Variants in FILIP1L observed in about 807,000 individuals in gnomAD.
FILIP1L encodes filamin A-interacting protein 1-like.
Under a neutral mutation model 96.6 loss-of-function variants are expected in FILIP1L, and 55 were observed. The observed-to-expected ratio is 0.57, with a 90% CI of 0.46 to 0.71. The LOEUF (loss-of-function observed/expected upper bound fraction) is 0.71. FILIP1L is among the 30% of genes least tolerant of loss of function. The pLI, the probability that FILIP1L is intolerant of heterozygous loss-of-function variation, is 0.00. For synonymous variants in FILIP1L, 467 were observed against 473.9 expected (o/e 0.99, Z 0.19); for missense variants, 1,304 against 1,321.2 (o/e 0.99, Z 0.20).
intron 1 of FILIP1L, among the ~76,000 whole-genome samples, chr3:100,085,061 T>G (rs1458822220): frequency 6.6e-6 from 1 of 152,160 alleles, no homozygotes; most frequent in African/African-American, 2.4e-5. Flanking sequence ...CTCTGCTGAA[T>G]CTCCTAAACT....
At chr3:99,948,753 AAAAG>A (rs755234755) in intron 1 of FILIP1L, among the ~76,000 whole-genome samples, 96 of 151,080 alleles carry the variant, frequency 6.4e-4, no homozygotes, top group Non-Finnish European at 1.1e-3. Context: ...AAAAAAGAGG[AAAAG>A]GAAGGAAGGA....
At chr3:100,056,089 A>G (rs1465774240) in intron 1 of FILIP1L, among the ~76,000 whole-genome samples, 2 of 152,210 alleles carry the variant, frequency 1.3e-5, no homozygotes, top group Non-Finnish European at 2.9e-5. Context: ...AAGCTATGGT[A>G]TACCAAGGTC....
At chr3:99,941,059 T>G (rs1383822215) in intron 1 of FILIP1L, among the ~76,000 whole-genome samples, 2 of 152,262 alleles carry the variant, frequency 1.3e-5, no homozygotes, top group African/African-American at 4.8e-5. Context: ...AATAACTTCT[T>G]GCCTCTGAAG....
At position 99,946,505 on chromosome 3, in the gene FILIP1L, A is replaced by G. The variant is rs142263672; in HGVS notation, c.-10-15475T>C. Among the ~76,000 whole-genome samples the G allele has an allele frequency of 7.3e-3, 1,105 of 152,352 alleles. 19 individuals carry two copies. The highest frequency in any genetic ancestry group is 0.024 in the African/African-American group (1,018 of 41,588). ...CTGACACAAATGATTTCATGTCTGT[A>G]TCAGAACTGCCCTGTTGATGTAGCT... On this transcript the variant is annotated intron_variant, in intron 1 of 5. Coordinates refer to ENST00000477258, the MANE Select transcript of FILIP1L (RefSeq NM_001387850.1).
chr3:100,027,342 ATGTT>A (rs1167912915), intron 1 of FILIP1L, among the ~76,000 whole-genome samples: 3 of 152,144 alleles, frequency 2.0e-5, no homozygotes, highest in Non-Finnish European at 4.4e-5. Flanking sequence ...TGTTCAATAA[ATGTT>A]TGATGAATGA....
chr3:100,015,046 A>C (rs1403961247), intron 1 of FILIP1L, among the ~76,000 whole-genome samples: 1 of 150,994 alleles, frequency 6.6e-6, no homozygotes, highest in Non-Finnish European at 1.5e-5. Flanking sequence ...TAAGGCTTTA[A>C]TCTATCTTGA....
rs527559105 is a variant in FILIP1L at position 99,833,260 on chromosome 3, A to T, written c.3382-2655T>A. ...TCAATGAGGCAGAAGAAGTGGTTCC[A>T]CCTAGGGAGCAGTAGAAAGAAGAGG... On this transcript the variant is annotated intron_variant, in intron 5 of 5. Transcript: ENST00000477258. The T allele has an allele frequency of 2.5e-6, 4 of 1,611,256 alleles. No homozygotes were observed. In the African/African-American group the frequency reaches 5.3e-5, roughly 22 times the overall value.
chr3:100,103,180 A>G (rs1461719016), intron 1 of FILIP1L, among the ~76,000 whole-genome samples: 1 of 152,170 alleles, frequency 6.6e-6, no homozygotes, highest in Admixed American at 6.6e-5. Context: ...GGTGATTTGA[A>G]GTCTCCCCAC....
intron 1 of FILIP1L, among the ~76,000 whole-genome samples, chr3:99,971,492 C>T (rs1218389795): frequency 6.6e-6 from 1 of 152,292 alleles, no homozygotes; most frequent in African/African-American, 2.4e-5. Flanking sequence ...TGGTATGGGA[C>T]TCAGGAATGA....
At chr3:99,876,240 G>A (rs1394136550) in intron 4 of FILIP1L, 1 of 984,948 alleles carries the variant, frequency 1.0e-6, no homozygotes, top group Non-Finnish European at 1.2e-6. Context: ...AAGGCGCTCC[G>A]CGTGTGCGGC....
At chr3:99,938,646 A>G (rs894466175) in intron 1 of FILIP1L, among the ~76,000 whole-genome samples, 2 of 152,216 alleles carry the variant, frequency 1.3e-5, no homozygotes, top group South Asian at 2.1e-4. Context: ...ATGTATTAAG[A>G]TTATGGGGTT....
chr3:99,983,426 ATG>A (rs71751972), intron 1 of FILIP1L, among the ~76,000 whole-genome samples: 1,353 of 82,694 alleles, frequency 0.016, 61 homozygotes, highest in South Asian at 0.073. Context: ...ATATGTATGT[ATG>A]TATGTATATA....
intron 1 of FILIP1L, among the ~76,000 whole-genome samples, chr3:100,047,912 T>C (rs1358031792): frequency 6.6e-6 from 1 of 152,170 alleles, no homozygotes; most frequent in Non-Finnish European, 1.5e-5. Context: ...TTCTGGCACT[T>C]AGTAGGCAAA....
At position 100,114,494 on chromosome 3, in the gene FILIP1L, C is replaced by CTGTG. The variant is rs374700618; in HGVS notation, c.-456_-453dup. The CTGTG allele has an allele frequency of 1.9e-4, 30 of 153,860 alleles. No individual in the cohort carries two copies. The highest frequency in any genetic ancestry group is 3.3e-3 in the Middle Eastern group (1 of 304). 9.5% of individuals were successfully genotyped at this position (153,860 alleles called of 1,614,324 possible). ...GCAGGCACAGGCTCCGTGAGCACGTCTGTGTGTGTGTGTGTGTGTCTGTGT... is the reference window on the plus strand; with the variant it reads ...GCAGGCACAGGCTCCGTGAGCACGTCTGTGTGTGTGTGTGTGTGTGTGTCTGTGT... On this transcript the variant is annotated 5_prime_UTR_variant, in exon 1 of 6. Coordinates refer to ENST00000477258, the MANE Select transcript of FILIP1L (RefSeq NM_001387850.1).
chr3:99,915,059 T>C (rs1420657560), intron 4 of FILIP1L, among the ~76,000 whole-genome samples: 1 of 152,204 alleles, frequency 6.6e-6, no homozygotes, highest in African/African-American at 2.4e-5. Flanking sequence ...TTTTTTTTCT[T>C]CTAGCTCCAT....
chr3:100,060,331 C>T (rs1206001240), intron 1 of FILIP1L, among the ~76,000 whole-genome samples: 1 of 152,088 alleles, frequency 6.6e-6, no homozygotes, highest in East Asian at 1.9e-4. Flanking sequence ...TTTCCCACTC[C>T]ACCTCCTCTT....
intron 1 of FILIP1L, among the ~76,000 whole-genome samples, chr3:100,059,683 C>G (rs2065526712): frequency 6.6e-6 from 1 of 152,268 alleles, no homozygotes; most frequent in Admixed American, 6.5e-5. Context: ...AAGGACCCAT[C>G]ATGCCTGAAG....
In FILIP1L at chr3:99,930,838, G is replaced by T; in HGVS notation, c.183C>A (p.Gly61=). The T allele has an allele frequency of 6.2e-7, 1 of 1,612,322 alleles. No individual in the cohort carries two copies. Among genetic ancestry groups the T allele is most frequent in the Non-Finnish European group, 8.5e-7 (1 of 1,179,412 alleles). ...CTCTTGAGAGGTCTTCTGCTTGGTG[G>T]CCATTACCACTGTGTGGCTTCTCTG... The part of the protein sequence containing the change: ...PKAEKPHSGN[G]HQAEDLSRDD... Residue 61 remains glycine (G), a synonymous_variant, in exon 2 of 6, where the codon GGC becomes GGA. Transcript: ENST00000477258.
intron 1 of FILIP1L, among the ~76,000 whole-genome samples, chr3:99,975,052 T>G (rs1391995758): frequency 1.3e-5 from 2 of 152,198 alleles, no homozygotes; most frequent in Non-Finnish European, 2.9e-5. Flanking sequence ...TCTGAGTGAC[T>G]GCTAATGTTC....
Sources: allele counts gnomAD v4.1 joint callset (sites outside exome capture counted in the v4.1 genomes callset), GRCh38; gene constraint gnomAD v4.1.1; transcripts MANE v1.5; gene names NCBI Gene and HGNC (gene_info 2026-07-23, HGNC 2026-07-21).